Variants in RBM6 observed in about 807,000 individuals in gnomAD.
RBM6 encodes RNA binding motif protein 6, also known as RNA-binding protein 6.
Under a neutral mutation model 140.4 loss-of-function variants are expected in RBM6, and 23 were observed. The observed-to-expected ratio is 0.16, with a 90% CI of 0.12 to 0.23. The LOEUF is 0.23. RBM6 is among the 10% of genes least tolerant of loss of function. The pLI, the probability that RBM6 is intolerant of heterozygous loss-of-function variation, is 1.00. For missense variants in RBM6, 1,139 were observed against 1,386.7 expected (o/e 0.82, Z 2.84); for synonymous variants, 439 against 475.6 (o/e 0.92, Z 1.00).
chr3:50,000,335 GT>G (rs372944661), intron 6 of RBM6, among the ~76,000 whole-genome samples: 61 of 121,264 alleles, frequency 5.0e-4, no homozygotes, highest in South Asian at 8.2e-4. Flanking sequence ...AGTTTGATGT[GT>G]TTTTTTTTTC....
At chr3:50,049,383 T>G (rs2089370299) in intron 7 of RBM6, among the ~76,000 whole-genome samples, 1 of 152,144 alleles carries the variant, frequency 6.6e-6, no homozygotes, top group African/African-American at 2.4e-5. Flanking sequence ...GTATTGAGAT[T>G]ACAGGCTTGA....
In RBM6 at chr3:49,968,130, T is replaced by C. The variant is rs139370464; in HGVS notation, c.705T>C (p.Phe235=). ...FRDKDGTQVD[F]RGRGSGTTDL... is the part of the protein sequence containing the mutation. ...ACAAAGACGGAACACAAGTAGACTTTAGAGGCCGAGGTTCAGGTACTACTG... is the reference window on the plus strand; with the variant it reads ...ACAAAGACGGAACACAAGTAGACTTCAGAGGCCGAGGTTCAGGTACTACTG... The change falls in exon 3 of 21, where the codon TTT becomes TTC. Residue 235 remains phenylalanine (F), a synonymous_variant. Transcript: ENST00000266022. 9 of 1,614,142 alleles carry C rather than the reference T, an allele frequency of 5.6e-6. No individual in the cohort carries two copies. Among genetic ancestry groups the C allele is most frequent in the African/African-American group, 2.7e-5 (2 of 75,026 alleles).
intron 6 of RBM6, among the ~76,000 whole-genome samples, chr3:50,040,487 TATATATAC>T (rs1328774361): frequency 1.5e-3 from 154 of 102,556 alleles, no homozygotes; most frequent in East Asian, 2.3e-3. Flanking sequence ...TATATATATA[TATATATAC>T]ACACACACAC....
At chr3:50,031,732 A>C (rs1247128028) in intron 6 of RBM6, among the ~76,000 whole-genome samples, 2 of 152,214 alleles carry the variant, frequency 1.3e-5, no homozygotes, top group Non-Finnish European at 2.9e-5. Context: ...AAGTATAAAA[A>C]AAAAGACCTA....
intron 1 of RBM6, among the ~76,000 whole-genome samples, chr3:49,954,535 C>G (rs1170617409): frequency 6.6e-6 from 1 of 151,994 alleles, no homozygotes; most frequent in Non-Finnish European, 1.5e-5. Flanking sequence ...TCTGCCTCAG[C>G]CTCCCAAAGT....
intron 16 of RBM6, 64 bp from the exon 17 acceptor site, chr3:50,066,178 C>CA (rs982556628): frequency 3.3e-5 from 49 of 1,495,360 alleles, no homozygotes; most frequent in South Asian, 5.3e-5. Flanking sequence ...ATCAGAATAT[C>CA]AAAAAAAATG....
chr3:49,946,024 G>T (rs2083471095), intron 1 of RBM6, among the ~76,000 whole-genome samples: 1 of 151,968 alleles, frequency 6.6e-6, no homozygotes, highest in South Asian at 2.1e-4. Context: ...GGTAGAAGGG[G>T]GCTGCCTGCA....
chr3:49,965,342 C>CATCTTAATTTTAGTGTTAAA lies in RBM6; in HGVS notation c.45-2127_45-2108dup, dbSNP rs1427341498. Among the ~76,000 whole-genome samples, 10 of 152,174 alleles carry CATCTTAATTTTAGTGTTAAA rather than the reference C, an allele frequency of 6.6e-5. No homozygotes were observed. In the East Asian group the frequency reaches 1.9e-3, roughly 29 times the overall value. ...TGAGAGACACTGTATTTAGTGGTAA[C>CATCTTAATTTTAGTGTTAAA]ATCTTAATTTTAGTGTTAAATTGTA... On this transcript the variant is annotated intron_variant, in intron 2 of 20. Coordinates refer to ENST00000266022, the MANE Select transcript of RBM6 (RefSeq NM_005777.3).
At chr3:49,947,331 G>A (rs555520739) in intron 1 of RBM6, among the ~76,000 whole-genome samples, 58 of 151,624 alleles carry the variant, frequency 3.8e-4, no homozygotes, top group Admixed American at 9.3e-4. Context: ...TCAGGAGGCT[G>A]AGGTAGGTGG....
chr3:49,948,827 A>ATTTTTTTT (rs767843268), intron 1 of RBM6, among the ~76,000 whole-genome samples: 1 of 98,874 alleles, frequency 1.0e-5, no homozygotes, highest in East Asian at 2.5e-4. Context: ...TACATACCCA[A>ATTTTTTTT]TTTTTTTTTT....
intron 15 of RBM6, among the ~76,000 whole-genome samples, chr3:50,063,116 C>CTT (rs2090002955): frequency 6.6e-6 from 1 of 152,056 alleles, no homozygotes; most frequent in Non-Finnish European, 1.5e-5. Context: ...TGATCTCGAA[C>CTT]TTCTGGCCTC....
At chr3:50,018,433 A>G (rs1026659583) in intron 6 of RBM6, among the ~76,000 whole-genome samples, 1 of 152,150 alleles carries the variant, frequency 6.6e-6, no homozygotes, top group Non-Finnish European at 1.5e-5. Context: ...TTCACCTACT[A>G]AATGACATTT....
At chr3:49,944,402 G>A (rs2083401735) in intron 1 of RBM6, among the ~76,000 whole-genome samples, 1 of 151,512 alleles carries the variant, frequency 6.6e-6, no homozygotes, top group African/African-American at 2.4e-5. Context: ...ATCTATTGAT[G>A]GACATTTGGG....
At chr3:50,008,194 C>A (rs1224667558) in intron 6 of RBM6, among the ~76,000 whole-genome samples, 3 of 152,154 alleles carry the variant, frequency 2.0e-5, no homozygotes, top group African/African-American at 7.2e-5. Context: ...CATTTTAATT[C>A]TCTCGAATTT....
chr3:50,029,332 ATCAG>A (rs2088014186), intron 6 of RBM6, among the ~76,000 whole-genome samples: 1 of 152,194 alleles, frequency 6.6e-6, no homozygotes, highest in Non-Finnish European at 1.5e-5. Flanking sequence ...GAAGGAAGAG[ATCAG>A]GTTTGAAAGA....
intron 5 of RBM6, among the ~76,000 whole-genome samples, chr3:49,992,887 G>A (rs569220758): frequency 1.5e-4 from 23 of 152,334 alleles, no homozygotes; most frequent in African/African-American, 5.5e-4. Context: ...CCAGACTGAA[G>A]TGTTCTTGCT....
At chr3:50,051,199 G>T (rs2089452387) in intron 7 of RBM6, among the ~76,000 whole-genome samples, 1 of 152,002 alleles carries the variant, frequency 6.6e-6, no homozygotes, top group Non-Finnish European at 1.5e-5. Flanking sequence ...ATTTAACTGG[G>T]TGTGGTGGTG....
chr3:50,016,129 A>C (rs2087134262), intron 6 of RBM6, among the ~76,000 whole-genome samples: 1 of 152,180 alleles, frequency 6.6e-6, no homozygotes, highest in Admixed American at 6.5e-5. Context: ...GTAAACCACC[A>C]TTCTGCTCTC....
At position 50,062,116 on chromosome 3, in the gene RBM6, G is replaced by C; in HGVS notation, c.2586+8G>C. On this transcript the variant is annotated splice_region_variant and intron_variant, in intron 15 of 20. Transcript: ENST00000266022. The stretch of plus-strand genomic sequence containing the variant: ...GACAGAGGAGTGACGAGGGTAAGAG[G>C]AATTGTTAATTTGCTGTCTTTTGCC... The C allele has an allele frequency of 6.2e-7, 1 of 1,609,278 alleles. No homozygotes were observed. Among genetic ancestry groups the C allele is most frequent in the Non-Finnish European group, 8.5e-7 (1 of 1,177,950 alleles).
Sources: allele counts gnomAD v4.1 joint callset (sites outside exome capture counted in the v4.1 genomes callset), GRCh38; gene constraint gnomAD v4.1.1; transcripts MANE v1.5; gene names NCBI Gene and HGNC (gene_info 2026-07-23, HGNC 2026-07-21).